The following CNTN5 variants were observed in gnomAD, a reference collection of about 807,000 sequenced individuals.
CNTN5 encodes contactin 5.
CNTN5 carries 77 observed loss-of-function variants against 129.1 expected under a neutral mutation model. The observed-to-expected ratio is 0.60, with a 90% CI of 0.50 to 0.72. The LOEUF is 0.72. Among genes scored for constraint, CNTN5 ranks in the 30% least tolerant of loss-of-function variants. The pLI is 0.00. For missense variants in CNTN5, 1,478 were observed against 1,328.8 expected (o/e 1.11, Z -1.75); for synonymous variants, 509 against 465.6 (o/e 1.09, Z -1.20).
chr11:100,063,896 A>G (rs548641786), intron 10 of CNTN5, among the ~76,000 whole-genome samples: 6 of 152,184 alleles, frequency 3.9e-5, no homozygotes, highest in African/African-American at 1.2e-4. Flanking sequence ...ATTACAAATA[A>G]AAAATAAAAG....
chr11:100,040,533 C>A lies in CNTN5; in HGVS notation c.981-20679C>A, dbSNP rs557730746. Among the ~76,000 whole-genome samples, 19 of 152,340 alleles carry A rather than the reference C, an allele frequency of 1.2e-4. No individual in the cohort carries two copies. The East Asian group carries it at 3.1e-3, about 25-fold the overall frequency. On this transcript the variant is annotated intron_variant, in intron 9 of 24. Coordinates refer to ENST00000524871, the MANE Select transcript of CNTN5 (RefSeq NM_014361.4). ...ACATTTAAGTCTGCAGAGGTTACTG[C>A]TGTCTTTTTGTTTGTCTGTGCCCTG...
chr11:99,216,817 T>G (rs1216679608), intron 1 of CNTN5, among the ~76,000 whole-genome samples: 5 of 151,810 alleles, frequency 3.3e-5, no homozygotes, highest in African/African-American at 1.2e-4. Flanking sequence ...AAGGAAATAG[T>G]CAACAAAGTG....
intron 3 of CNTN5, among the ~76,000 whole-genome samples, chr11:99,638,836 GTGTC>G (rs1003155151): frequency 1.3e-5 from 2 of 152,146 alleles, no homozygotes; most frequent in Non-Finnish European, 2.9e-5. Flanking sequence ...CTGCGTTTGA[GTGTC>G]TGTGGCTTTT....
Position 100,227,224 on chromosome 11 carries a change from T to C in CNTN5, c.2005+2412T>C, listed in dbSNP as rs1370535444. Among the ~76,000 whole-genome samples, 3 of 152,274 alleles carry C rather than the reference T, an allele frequency of 2.0e-5. No homozygotes were observed. In the East Asian group the frequency reaches 5.8e-4, roughly 29 times the overall value. On this transcript the variant is annotated intron_variant, in intron 16 of 24. Coordinates refer to ENST00000524871, the MANE Select transcript of CNTN5 (RefSeq NM_014361.4). ...TAAGGGAAAAAATCTATGTTCTCTT[T>C]GATGGACGGGAACAACTTTTTTATT...
At chr11:99,818,870 T>A (rs1164879150) in intron 3 of CNTN5, among the ~76,000 whole-genome samples, 1 of 152,148 alleles carries the variant, frequency 6.6e-6, no homozygotes, top group Non-Finnish European at 1.5e-5. Context: ...AGTATTAATC[T>A]GTACACATTA....
intron 3 of CNTN5, among the ~76,000 whole-genome samples, chr11:99,593,774 C>A (rs1750365155): frequency 2.0e-5 from 3 of 152,198 alleles, no homozygotes; most frequent in Admixed American, 6.5e-5. Flanking sequence ...TACAGAGGAT[C>A]TAGGCCAGAA....
At chr11:99,909,640 T>G (rs1042014191) in intron 6 of CNTN5, among the ~76,000 whole-genome samples, 1 of 151,872 alleles carries the variant, frequency 6.6e-6, no homozygotes, top group East Asian at 1.9e-4. Flanking sequence ...CCATAAAAAG[T>G]ATGAGTTCAT....
chr11:100,091,211 C>G (rs754878971), intron 13 of CNTN5, among the ~76,000 whole-genome samples: 7 of 144,106 alleles, frequency 4.9e-5, no homozygotes, highest in Middle Eastern at 3.6e-3. Context: ...CCACTTATCT[C>G]CTCAGCTTGA....
At chr11:99,083,204 T>C (rs572960510) in intron 1 of CNTN5, among the ~76,000 whole-genome samples, 30 of 152,282 alleles carry the variant, frequency 2.0e-4, no homozygotes, top group East Asian at 9.6e-4. Flanking sequence ...TTCTTCCTTC[T>C]CCCATCAGTT....
In CNTN5 at chr11:100,264,380, C is replaced by T. The variant is rs1456949012; in HGVS notation, c.2165-6712C>T. Among the ~76,000 whole-genome samples, 6 of 152,092 alleles carry T rather than the reference C, an allele frequency of 3.9e-5. No individual in the cohort carries two copies. In the East Asian group the frequency reaches 1.2e-3, roughly 29 times the overall value. ...TTAGGTGTTTGTCCTGATGCTCTCTCCTCCCCTCATCCCCTGACAGACCCC... is the reference window on the plus strand; with the variant it reads ...TTAGGTGTTTGTCCTGATGCTCTCTTCTCCCCTCATCCCCTGACAGACCCC... On this transcript the variant is annotated intron_variant, in intron 17 of 24. Transcript: ENST00000524871.
chr11:100,021,289 T>A (rs1941129663), intron 9 of CNTN5, among the ~76,000 whole-genome samples: 1 of 152,218 alleles, frequency 6.6e-6, no homozygotes, highest in Non-Finnish European at 1.5e-5. Flanking sequence ...TACATACTGC[T>A]GTTAGTGAGT....
intron 2 of CNTN5, among the ~76,000 whole-genome samples, chr11:99,521,136 T>G (rs1159074389): frequency 6.6e-6 from 1 of 152,044 alleles, no homozygotes; most frequent in Non-Finnish European, 1.5e-5. Flanking sequence ...TTCTTTTCCT[T>G]CCTCATCTCC....
chr11:99,729,756 G>T (rs1943467798), intron 3 of CNTN5, among the ~76,000 whole-genome samples: 1 of 152,152 alleles, frequency 6.6e-6, no homozygotes, highest in African/African-American at 2.4e-5. Flanking sequence ...GCAGGGACAT[G>T]GATGGAGCTG....
At chr11:99,220,506 C>A (rs900579679) in intron 1 of CNTN5, among the ~76,000 whole-genome samples, 3 of 151,800 alleles carry the variant, frequency 2.0e-5, no homozygotes, top group African/African-American at 7.3e-5. Context: ...CTGAAATATA[C>A]TATACCAATA....
intron 2 of CNTN5, among the ~76,000 whole-genome samples, chr11:99,333,817 T>C (rs1866102683): frequency 6.6e-6 from 1 of 152,030 alleles, no homozygotes; most frequent in Non-Finnish European, 1.5e-5. Flanking sequence ...CTCTCTAGTG[T>C]CTTCAAAACT....
chr11:100,121,181 C>T lies in CNTN5; in HGVS notation c.1580+46887C>T, dbSNP rs977851737. ...AATGAGGGCTTGGATCCTGGCAAAA[C>T]AGTTTACAGGAGAGGGGAGAAGAGG... On this transcript the variant is annotated intron_variant, in intron 13 of 24. Coordinates refer to ENST00000524871, the MANE Select transcript of CNTN5 (RefSeq NM_014361.4). Among the ~76,000 whole-genome samples the T allele has an allele frequency of 2.0e-5, 3 of 151,868 alleles. No individual in the cohort carries two copies. In the East Asian group the frequency reaches 5.8e-4, roughly 29 times the overall value.
intron 3 of CNTN5, among the ~76,000 whole-genome samples, chr11:99,646,239 G>A (rs990488950): frequency 6.6e-6 from 1 of 152,198 alleles, no homozygotes; most frequent in Non-Finnish European, 1.5e-5. Context: ...TGTTACAAGT[G>A]AAGAAGCTGG....
intron 13 of CNTN5, among the ~76,000 whole-genome samples, chr11:100,120,811 A>T (rs1484099366): frequency 6.6e-6 from 1 of 152,038 alleles, no homozygotes; most frequent in East Asian, 1.9e-4. Flanking sequence ...TTACTATTTT[A>T]AAAAGGAATT....
intron 1 of CNTN5, among the ~76,000 whole-genome samples, chr11:99,039,564 G>GA (rs1478869383): frequency 4.6e-5 from 7 of 152,168 alleles, no homozygotes; most frequent in African/African-American, 7.2e-5. Flanking sequence ...GAGGAAAAGA[G>GA]AGAGTGTGCA....
Sources: allele counts gnomAD v4.1 joint callset (sites outside exome capture counted in the v4.1 genomes callset), GRCh38; gene constraint gnomAD v4.1.1; transcripts MANE v1.5; gene names NCBI Gene and HGNC (gene_info 2026-07-23, HGNC 2026-07-21).